The following GPRC6A variants were observed in gnomAD, a reference collection of about 807,000 sequenced individuals.
GPRC6A encodes G protein-coupled receptor class C group 6 member A, also known as G protein-coupled receptor family C group 6 member A.
GPRC6A carries 54 observed loss-of-function variants against 47.0 expected under a neutral mutation model. That is an observed-to-expected ratio of 1.15 (90% CI 0.92 to 1.44). GPRC6A has a LOEUF of 1.44. GPRC6A is among the 40% of genes most tolerant of loss of function. The pLI is 0.00. For synonymous variants in GPRC6A, 347 were observed against 377.1 expected, an observed-to-expected ratio of 0.92 and a Z score of 0.93; for missense variants, 1,112 against 1,105.5, an observed-to-expected ratio of 1.01 and a Z score of -0.08.
At chr6:116,819,808 C>T (rs377319222) in intron 1 of GPRC6A, among the ~76,000 whole-genome samples, 1 of 150,540 alleles carries the variant, frequency 6.6e-6, no homozygotes, top group Non-Finnish European at 1.5e-5. Flanking sequence ...ACTAGAAAAG[C>T]AAGAGCAAAC....
intron 1 of GPRC6A, among the ~76,000 whole-genome samples, chr6:116,814,187 A>T (rs1175211266): frequency 1.3e-5 from 2 of 152,194 alleles, no homozygotes; most frequent in Admixed American, 1.3e-4. Context: ...ATTGTGGAAG[A>T]CAGTGTGGCG....
At chr6:116,828,405 A>C (rs1441681789) in intron 1 of GPRC6A, among the ~76,000 whole-genome samples, 2 of 152,132 alleles carry the variant, frequency 1.3e-5, no homozygotes, top group African/African-American at 2.4e-5. Flanking sequence ...AATGTTAGTA[A>C]GAAAAAATTC....
intron 1 of GPRC6A, among the ~76,000 whole-genome samples, chr6:116,820,431 T>C (rs1773424347): frequency 6.6e-6 from 1 of 151,988 alleles, no homozygotes; most frequent in Non-Finnish European, 1.5e-5. Flanking sequence ...ACCAATATCC[T>C]TGATGAACAT....
Position 116,806,679 on chromosome 6 carries a change from A to G in GPRC6A, c.1026T>C (p.Asn342=), listed in dbSNP as rs1232217456. Residue 342 remains asparagine, a synonymous_variant, in exon 3 of 6, where the codon AAT becomes AAC. Coordinates refer to ENST00000310357, the MANE Select transcript of GPRC6A (RefSeq NM_148963.4). ...GACTGTCACTGGGAAGCAAGTGCAG[A>G]TTTTGAAGAAAGGAATGGAAAGAGG... The part of the protein sequence containing the change: ...NISSFHSFLQ[N]LHLLPSDSHK... The G allele has an allele frequency of 1.2e-6, 2 of 1,613,626 alleles. No individual in the cohort carries two copies. The highest frequency in any genetic ancestry group is 2.2e-5 in the East Asian group (1 of 44,882).
At chr6:116,814,587 A>C (rs1773142258) in intron 1 of GPRC6A, among the ~76,000 whole-genome samples, 1 of 152,060 alleles carries the variant, frequency 6.6e-6, no homozygotes, top group Admixed American at 6.5e-5. Context: ...GGAACATCAC[A>C]CACTGGGGCT....
intron 1 of GPRC6A, among the ~76,000 whole-genome samples, chr6:116,819,607 T>A (rs1202358517): frequency 6.6e-6 from 1 of 152,160 alleles, no homozygotes; most frequent in Non-Finnish European, 1.5e-5. Context: ...CCTGAATGAC[T>A]ACTGGGTACA....
chr6:116,822,891 TAAA>T (rs757893318), intron 1 of GPRC6A, among the ~76,000 whole-genome samples: 17 of 117,510 alleles, frequency 1.4e-4, no homozygotes, highest in African/African-American at 4.5e-4. Flanking sequence ...TACTAGTCTC[TAAA>T]AAAAAAAAAA....
At chr6:116,816,116 C>G (rs1773197002) in intron 1 of GPRC6A, among the ~76,000 whole-genome samples, 1 of 152,222 alleles carries the variant, frequency 6.6e-6, no homozygotes, top group Admixed American at 6.5e-5. Context: ...ATCTCATGTC[C>G]TTCTCACATT....
At chr6:116,821,612 G>T (rs1211940468) in intron 1 of GPRC6A, among the ~76,000 whole-genome samples, 5 of 151,906 alleles carry the variant, frequency 3.3e-5, no homozygotes, top group Non-Finnish European at 7.4e-5. Context: ...AATGGGGAAA[G>T]GATTCCCTAT....
At chr6:116,827,403 G>T (rs1773710753) in intron 1 of GPRC6A, among the ~76,000 whole-genome samples, 2 of 152,100 alleles carry the variant, frequency 1.3e-5, no homozygotes, top group African/African-American at 4.8e-5. Flanking sequence ...ACATTAAATT[G>T]TATAATATTT....
intron 1 of GPRC6A, among the ~76,000 whole-genome samples, chr6:116,815,162 C>A (rs1379848191): frequency 6.6e-6 from 1 of 152,150 alleles, no homozygotes; most frequent in Non-Finnish European, 1.5e-5. Flanking sequence ...TTAGGTGGAT[C>A]ATCTAGACAG....
intron 5 of GPRC6A, 48 bp from the exon 6 acceptor site, chr6:116,793,298 T>TGATA: frequency 7.5e-7 from 1 of 1,340,836 alleles, no homozygotes; most frequent in South Asian, 1.4e-5. Context: ...TTAAACTAGG[T>TGATA]GATAGTCCAC....
intron 5 of GPRC6A, among the ~76,000 whole-genome samples, chr6:116,794,759 T>G (rs1772423426): frequency 6.6e-6 from 1 of 152,152 alleles, no homozygotes; most frequent in Non-Finnish European, 1.5e-5. Context: ...ATAAACATTA[T>G]TAAACATACC....
At chr6:116,824,492 A>G (rs1363539969) in intron 1 of GPRC6A, among the ~76,000 whole-genome samples, 1 of 152,020 alleles carries the variant, frequency 6.6e-6, no homozygotes, top group African/African-American at 2.4e-5. Context: ...GGAAAAACCT[A>G]GAGGAAATGT....
At position 116,806,376 on chromosome 6, in the gene GPRC6A, T is replaced by A; in HGVS notation, c.1329A>T (p.Pro443=). Residue 443 remains proline (P), a synonymous_variant, in exon 3 of 6, where the codon CCA becomes CCT. Coordinates refer to ENST00000310357, the MANE Select transcript of GPRC6A (RefSeq NM_148963.4). ...RDCQNPNAFQ[P]WELLGVLKNV... is the part of the protein sequence containing the mutation. Reference sequence around the variant, plus strand: ...TGGATGTGTGAGTTAGTACCTCCCATGGTTGAAAGGCGTTGGGGTTCTGAC... The same window carrying A: ...TGGATGTGTGAGTTAGTACCTCCCAAGGTTGAAAGGCGTTGGGGTTCTGAC... 1 of 1,598,326 alleles carries A rather than the reference T, an allele frequency of 6.3e-7. No individual in the cohort carries two copies. The highest frequency in any genetic ancestry group is 1.3e-5 in the African/African-American group (1 of 74,656).
chr6:116,823,048 CA>C (rs1443147793), intron 1 of GPRC6A, among the ~76,000 whole-genome samples: 1 of 151,978 alleles, frequency 6.6e-6, no homozygotes, highest in Non-Finnish European at 1.5e-5. Context: ...TTATTTAATG[CA>C]AATTTTTGCA....
Position 116,806,953 on chromosome 6 carries a change from T to C in GPRC6A, c.752A>G (p.Asp251Gly). ...FKEVLPAFLS[D>G]NTIEVRINRT... ...ATTGATTCTGACTTCAATGGTATTA[T>C]CTGAAAGAAAGGCTGGAAGAACCTC... The change falls in exon 3 of 6, where the codon GAT becomes GGT. Residue 251 changes from aspartate to glycine, a missense_variant. Coordinates refer to ENST00000310357, the MANE Select transcript of GPRC6A (RefSeq NM_148963.4). The C allele has an allele frequency of 6.2e-7, 1 of 1,613,676 alleles. No homozygotes were observed.
chr6:116,809,854 AT>A lies in GPRC6A; in HGVS notation c.195-238del, dbSNP rs1459440885. ...ACAGGATTTAACCTTTTCTTGGTGA[AT>A]TTTTTGATCATTTTGAACACTGCAA... On this transcript the variant is annotated intron_variant, in intron 1 of 5. Transcript: ENST00000310357. 3.3e-5 allele frequency among the ~76,000 whole-genome samples: 5 copies of A among 152,216 alleles called. No individual in the cohort carries two copies. The East Asian group carries it at 7.7e-4, about 24-fold the overall frequency.
At chr6:116,809,129 G>A (rs1772944155) in intron 2 of GPRC6A, among the ~76,000 whole-genome samples, 185 bp downstream of exon 2, 1 of 152,126 alleles carries the variant, frequency 6.6e-6, no homozygotes, top group Non-Finnish European at 1.5e-5. Flanking sequence ...ATAGACTGAG[G>A]GGTAATTACT....
Sources: gnomAD v4.1 joint callset for allele counts (sites outside exome capture counted in the v4.1 genomes callset) on GRCh38, gnomAD v4.1.1 for gene constraint, MANE v1.5 for transcripts, NCBI Gene and HGNC (gene_info 2026-07-23, HGNC 2026-07-21) for gene names.